Variants in PALD1 observed in about 807,000 individuals in gnomAD.
PALD1 encodes the protein phosphatase domain containing paladin 1.
A neutral mutation model predicts 96.0 loss-of-function variants in PALD1; 57 were observed. The observed-to-expected ratio is 0.59, with a 90% CI of 0.48 to 0.74. The LOEUF is 0.74. Among genes scored for constraint, PALD1 ranks in the 30% least tolerant of loss-of-function variants. The probability of loss-of-function intolerance (pLI) is 0.00; values close to 1 mark genes in which losing one functional copy is unlikely to be tolerated. For missense variants in PALD1, 1,063 were observed against 1,143.7 expected (o/e 0.93, Z 1.02); for synonymous variants, 464 against 473.6 (o/e 0.98, Z 0.26).
chr10:70,561,732 C>G (rs1847741638), intron 18 of PALD1, among the ~76,000 whole-genome samples: 1 of 152,126 alleles, frequency 6.6e-6, no homozygotes, highest in Non-Finnish European at 1.5e-5. Context: ...TTTACCCCTC[C>G]CCTACCGCCA....
chr10:70,495,535 G>T (rs527261483), intron 1 of PALD1, among the ~76,000 whole-genome samples: 1 of 152,092 alleles, frequency 6.6e-6, no homozygotes. Context: ...TAAGCAGACG[G>T]GGTTGGAATT....
At chr10:70,479,587 A>C (rs1424307113) in intron 1 of PALD1, among the ~76,000 whole-genome samples, 1 of 152,110 alleles carries the variant, frequency 6.6e-6, no homozygotes, top group Non-Finnish European at 1.5e-5. Context: ...TCAGTTTCAG[A>C]GGGTTTTCCT....
In PALD1 at chr10:70,526,140, A is replaced by G; in HGVS notation, c.185+4A>G. ...AGGTGGCCCCTGTTGTGATCACGTG[A>G]GTGGCAGGGGGAGTGTGCCCATGTC... On this transcript the variant is annotated splice_donor_region_variant and intron_variant, in intron 2 of 19. Coordinates refer to ENST00000263563, the MANE Select transcript of PALD1 (RefSeq NM_014431.3). 6.2e-7 allele frequency: 1 copy of G among 1,613,050 alleles called. No homozygotes were observed. Among genetic ancestry groups the G allele is most frequent in the Middle Eastern group, 1.7e-4 (1 of 6,060 alleles).
intron 18 of PALD1, among the ~76,000 whole-genome samples, chr10:70,561,507 G>A (rs540048120): frequency 1.3e-5 from 2 of 152,284 alleles, no homozygotes; most frequent in East Asian, 3.9e-4. Flanking sequence ...GTGGGGTTGC[G>A]TTGTATTGGC....
intron 1 of PALD1, among the ~76,000 whole-genome samples, chr10:70,480,678 A>G (rs1232259107): frequency 3.3e-5 from 5 of 152,186 alleles, no homozygotes; most frequent in African/African-American, 1.2e-4. Flanking sequence ...CCTTGGGTGC[A>G]GTTCTGGGAG....
chr10:70,488,080 G>C (rs1846041353), intron 1 of PALD1, among the ~76,000 whole-genome samples: 1 of 152,026 alleles, frequency 6.6e-6, no homozygotes, highest in Non-Finnish European at 1.5e-5. Flanking sequence ...TTGGTGAGTA[G>C]TATTCCAATG....
In PALD1 at chr10:70,540,047, TATAAG is replaced by T. The variant is rs1249088048; in HGVS notation, c.1908+288_1908+292del. ...TTCTGTTACGTATGTGCATATGTGT[TATAAG>T]ATGTGTGTACATGTGTTTATTATGT... is the stretch of plus-strand genomic sequence containing the variant. On this transcript the variant is annotated intron_variant, in intron 15 of 19. Coordinates refer to ENST00000263563, the MANE Select transcript of PALD1 (RefSeq NM_014431.3). The surrounding 1 kb of genome is among the most constrained non-coding windows in gnomAD (Gnocchi z 4.2). Among the ~76,000 whole-genome samples the T allele has an allele frequency of 1.3e-5, 2 of 152,120 alleles. No homozygotes were observed. Among genetic ancestry groups the T allele is most frequent in the African/African-American group, 2.4e-5 (1 of 41,394 alleles).
intron 1 of PALD1, among the ~76,000 whole-genome samples, chr10:70,514,115 C>A (rs555518754): frequency 6.6e-6 from 1 of 152,248 alleles, no homozygotes; most frequent in African/African-American, 2.4e-5. Context: ...TGCCACAGTG[C>A]CTCTGCGGGC....
chr10:70,491,798 C>T (rs1846103240), intron 1 of PALD1, among the ~76,000 whole-genome samples: 1 of 152,200 alleles, frequency 6.6e-6, no homozygotes, highest in African/African-American at 2.4e-5. Context: ...CATTCTGTCT[C>T]TGGATTTACC....
chr10:70,507,717 G>C (rs928900057), intron 1 of PALD1, among the ~76,000 whole-genome samples: 9 of 151,782 alleles, frequency 5.9e-5, no homozygotes, highest in Admixed American at 5.9e-4. Flanking sequence ...CCACCACACT[G>C]GCTAATTGTT....
chr10:70,472,233 A>G, the PALD1 span, among the ~76,000 whole-genome samples: 1 of 152,152 alleles, frequency 6.6e-6, no homozygotes, highest in Non-Finnish European at 1.5e-5. Context: ...TGTTGCCTGG[A>G]GACAACTGGG....
At chr10:70,566,204 A>G (rs999809871) in intron 19 of PALD1, among the ~76,000 whole-genome samples, 1 of 152,138 alleles carries the variant, frequency 6.6e-6, no homozygotes, top group Admixed American at 6.5e-5. Context: ...GGCAGAGGCC[A>G]TAGCCTTACC....
At chr10:70,510,359 G>C (rs1333023027) in intron 1 of PALD1, among the ~76,000 whole-genome samples, 2 of 152,110 alleles carry the variant, frequency 1.3e-5, no homozygotes, top group East Asian at 3.9e-4. Flanking sequence ...CAGAGCACTG[G>C]GTGAGGTCTT....
chr10:70,567,313 GC>G lies in PALD1; in HGVS notation c.*585del, dbSNP rs1355586121. On this transcript the variant is annotated 3_prime_UTR_variant, in exon 20 of 20. Coordinates refer to ENST00000263563, the MANE Select transcript of PALD1 (RefSeq NM_014431.3). ...TTCACCCAGTTTTCTGGACTCTCAT[GC>G]CCCCATCTCCGACCTGGGAGACTTC... 6.5e-6 allele frequency: 1 copy of G among 152,848 alleles called. No individual in the cohort carries two copies. Among genetic ancestry groups the G allele is most frequent in the East Asian group, 1.9e-4 (1 of 5,194 alleles). The allele number at this position is 152,848 out of a possible 1,614,324, so 9.5% of individuals were successfully genotyped here.
At chr10:70,460,668 G>GC in the PALD1 span, among the ~76,000 whole-genome samples, 8 of 151,964 alleles carry the variant, frequency 5.3e-5, no homozygotes, top group East Asian at 1.5e-3. Flanking sequence ...CTCCACCCTG[G>GC]CCCCCCAGAA....
At chr10:70,491,166 C>T (rs1368768988) in intron 1 of PALD1, among the ~76,000 whole-genome samples, 4 of 152,124 alleles carry the variant, frequency 2.6e-5, no homozygotes, top group African/African-American at 7.2e-5. Flanking sequence ...AGGATGGTCT[C>T]GATCTCCTGA....
the PALD1 span, among the ~76,000 whole-genome samples, chr10:70,460,883 C>T: frequency 6.6e-6 from 1 of 152,040 alleles, no homozygotes; most frequent in Non-Finnish European, 1.5e-5. Context: ...TGGAGAACCC[C>T]GTCTCTACTA....
At chr10:70,561,831 C>G (rs921383109) in intron 18 of PALD1, among the ~76,000 whole-genome samples, 1 of 152,210 alleles carries the variant, frequency 6.6e-6, no homozygotes, top group Admixed American at 6.5e-5. Flanking sequence ...TCATGCCCTC[C>G]GCCACTCAAG....
chr10:70,508,852 TGTGTGC>T (rs1554855659), intron 1 of PALD1, among the ~76,000 whole-genome samples: 18 of 133,704 alleles, frequency 1.3e-4, no homozygotes, highest in African/African-American at 2.5e-4. Flanking sequence ...CCTGTGTGTG[TGTGTGC>T]AGGCCTGTGG....
Sources: gnomAD v4.1 joint callset for allele counts (sites outside exome capture counted in the v4.1 genomes callset) on GRCh38, gnomAD v4.1.1 for gene constraint, Gnocchi (gnomAD v3.1) non-coding constraint, MANE v1.5 for transcripts, NCBI Gene and HGNC (gene_info 2026-07-23, HGNC 2026-07-21) for gene names.